THAP6: variants seen among roughly 807,000 people sequenced by gnomAD.
THAP6 encodes THAP domain-containing protein 6.
Under a neutral mutation model 20.0 loss-of-function variants are expected in THAP6, and 13 were observed. The ratio of observed to expected loss-of-function variants is 0.65; its 90% CI spans 0.42 to 1.03. The LOEUF (loss-of-function observed/expected upper bound fraction) is 1.03, where lower values mean the gene tolerates loss of function less well. THAP6 is among the 50% of genes least tolerant of loss of function. The pLI is 0.00. For missense variants in THAP6, 262 were observed against 261.6 expected (o/e 1.00, Z -0.01); for synonymous variants, 93 against 92.2 (o/e 1.01, Z -0.05).
chr4:75,540,007 A>G, intron 2 of THAP6: 1 of 1,522,086 alleles, frequency 6.6e-7, no homozygotes, highest in South Asian at 1.2e-5. Context: ...GTGGCAGCTC[A>G]GAAGCAGGCA....
Position 75,538,441 on chromosome 4 carries a change from G to T in THAP6, c.166-3968G>T, listed in dbSNP as rs1423077962. ...CATTGGAGTGGGCCAGGGAAGCCTG[G>T]CTTGTGCCTGAGAAGATAAATTCTA... On this transcript the variant is annotated intron_variant, in intron 2 of 4. Transcript: ENST00000502620. Among the ~76,000 whole-genome samples the T allele has an allele frequency of 2.6e-5, 4 of 151,816 alleles. 1 individual carries two copies. The South Asian group carries it at 8.3e-4, about 32-fold the overall frequency.
intron 2 of THAP6, among the ~76,000 whole-genome samples, chr4:75,541,447 C>CGTGT (rs138759889): frequency 0.018 from 2,779 of 150,376 alleles, 81 homozygotes; most frequent in African/African-American, 0.064. Flanking sequence ...TAAGTGTGTA[C>CGTGT]GTGTGTGTGT....
Position 75,515,506 on chromosome 4 carries a change from G to T in THAP6, c.54G>T (p.Ser18=). 1 of 1,613,944 alleles carries T rather than the reference G, an allele frequency of 6.2e-7. No individual in the cohort carries two copies. Among genetic ancestry groups the T allele is most frequent in the Non-Finnish European group, 8.5e-7 (1 of 1,179,844 alleles). ...GTGCTTCTCGCTGCTTGCCAAATTC[G>T]AAGTTAAAAGGACTGACATTTCACG... ...IGCASRCLPN[S]KLKGLTFHVF... is the part of the protein sequence containing the mutation. The change falls in exon 2 of 5, where the codon TCG becomes TCT. Residue 18 remains serine, a synonymous_variant. Coordinates refer to ENST00000311638, the MANE Select transcript of THAP6 (RefSeq NM_144721.6).
intron 2 of THAP6, 92 bp from the exon 3 acceptor site, chr4:75,516,680 A>G (rs1232859166): frequency 3.9e-6 from 4 of 1,032,274 alleles, no homozygotes; most frequent in South Asian, 1.7e-5. Context: ...TAGTTAACGA[A>G]TCAATTTAGT....
chr4:75,540,298 C>T lies in THAP6; in HGVS notation c.166-2111C>T, dbSNP rs116082352. ...CAGTCAGAATGTTTTCTGAGCAAGA[C>T]TTCCTTAGTAAATGAAATCATATGT... On this transcript the variant is annotated intron_variant, in intron 2 of 4. Coordinates refer to the THAP6 transcript ENST00000502620. Among the ~76,000 whole-genome samples, 544 of 152,294 alleles carry T rather than the reference C, an allele frequency of 3.6e-3. 3 individuals are homozygous for T. The highest frequency in any genetic ancestry group is 0.012 in the African/African-American group (489 of 41,552).
At chr4:75,540,946 A>C (rs1463430612) in intron 2 of THAP6, among the ~76,000 whole-genome samples, 1 of 152,174 alleles carries the variant, frequency 6.6e-6, no homozygotes, top group Non-Finnish European at 1.5e-5. Flanking sequence ...TGTACAATTC[A>C]AGTTTCTATG....
intron 1 of THAP6, chr4:75,514,911 A>C (rs1204681566): frequency 6.3e-6 from 1 of 158,482 alleles, no homozygotes; most frequent in Non-Finnish European, 1.4e-5. Flanking sequence ...GGAAAAATAG[A>C]CACACTCCAC....
chr4:75,540,088 G>A, intron 2 of THAP6: 3 of 1,082,758 alleles, frequency 2.8e-6, no homozygotes, highest in Non-Finnish European at 2.6e-6. Flanking sequence ...CTCCAATACT[G>A]ACAAGCCATT....
At chr4:75,516,718 A>G in intron 2 of THAP6, 54 bp from the exon 3 acceptor site, 16 of 1,495,816 alleles carry the variant, frequency 1.1e-5, no homozygotes, top group Non-Finnish European at 1.5e-5. Context: ...GCTTTAATTC[A>G]ATTATATAGC....
rs1235225940 is a variant in THAP6, at chr4:75,527,623, A to C, written c.*409A>C. On this transcript the variant is annotated 3_prime_UTR_variant, in exon 5 of 5. Transcript: ENST00000311638. ...GGTAAGTACATTGAATTTTACTTTA[A>C]ATGCATTTTACTACAAAGCACAATT... 3 of 1,004,110 alleles carry C rather than the reference A, an allele frequency of 3.0e-6. No homozygotes were observed. The East Asian group carries it at 2.9e-4, about 99-fold the overall frequency. The allele number at this position is 1,004,110 out of a possible 1,614,324, so 62.2% of individuals were successfully genotyped here.
chr4:75,530,095 T>C (rs1726630259), downstream of THAP6: 1 of 984,534 alleles, frequency 1.0e-6, no homozygotes, highest in Non-Finnish European at 1.2e-6. Context: ...AGTACGTACG[T>C]AGAGGTTTTG....
At chr4:75,547,141 A>C (rs567999984) in intron 3 of THAP6, among the ~76,000 whole-genome samples, 1 of 152,190 alleles carries the variant, frequency 6.6e-6, no homozygotes, top group African/African-American at 2.4e-5. Context: ...ATGCAGGTAC[A>C]GGGGCAGACC....
chr4:75,518,658 T>C (rs536038352), intron 3 of THAP6, among the ~76,000 whole-genome samples: 52 of 152,350 alleles, frequency 3.4e-4, no homozygotes, highest in African/African-American at 1.2e-3. Flanking sequence ...TCCCAGGCAT[T>C]TTGACTTCAG....
intron 2 of THAP6, chr4:75,539,946 G>T (rs572615403): frequency 2.6e-4 from 395 of 1,535,960 alleles, no homozygotes; most frequent in Middle Eastern, 5.0e-4. Flanking sequence ...AAGTGGACAG[G>T]CAACAGTGGT....
downstream of THAP6, chr4:75,530,141 G>A (rs1231185731): frequency 1.7e-5 from 16 of 916,004 alleles, no homozygotes; most frequent in Non-Finnish European, 2.0e-5. Flanking sequence ...TCTAATATGG[G>A]GTCTGCAAGG....
intron 3 of THAP6, among the ~76,000 whole-genome samples, chr4:75,543,295 A>G (rs1363220064): frequency 6.6e-6 from 1 of 152,214 alleles, no homozygotes; most frequent in East Asian, 1.9e-4. Flanking sequence ...ATTTGCTACT[A>G]TAGTATATTA....
rs374426686 is a variant in THAP6, at chr4:75,514,493, A to G, written c.-48A>G. 4.3e-4 allele frequency: 234 copies of G among 539,070 alleles called. No homozygotes were observed. In the South Asian group the frequency reaches 6.0e-3, roughly 14 times the overall value. The allele number at this position is 539,070 out of a possible 1,614,324, so 33.4% of individuals were successfully genotyped here. On this transcript the variant is annotated 5_prime_UTR_variant, in exon 1 of 5. Coordinates refer to ENST00000311638, the MANE Select transcript of THAP6 (RefSeq NM_144721.6). ...AAGGCAGACGCAGTCTCCGTCGTTGACGTTAGTCGCAGTCTTCGCTGCTAA... is the reference window on the plus strand; with the variant it reads ...AAGGCAGACGCAGTCTCCGTCGTTGGCGTTAGTCGCAGTCTTCGCTGCTAA...
intron 4 of THAP6, among the ~76,000 whole-genome samples, chr4:75,525,494 T>C (rs1726308465): frequency 6.6e-6 from 1 of 152,220 alleles, no homozygotes; most frequent in Non-Finnish European, 1.5e-5. Context: ...ATATATTTTA[T>C]GTACTTAACT....
chr4:75,528,923 C>T lies in THAP6; in HGVS notation c.*1709C>T, dbSNP rs1578275099. Reference sequence around the variant, plus strand: ...AAAAAATTAGCCGGGCATGGTGGCACGTGCCTGTAATCCCAGCTACTTGGG... The same window carrying T: ...AAAAAATTAGCCGGGCATGGTGGCATGTGCCTGTAATCCCAGCTACTTGGG... On this transcript the variant is annotated 3_prime_UTR_variant, in exon 5 of 5. Coordinates refer to ENST00000311638, the MANE Select transcript of THAP6 (RefSeq NM_144721.6). 1 of 465,880 alleles carries T rather than the reference C, an allele frequency of 2.1e-6. No individual in the cohort carries two copies. Among genetic ancestry groups the T allele is most frequent in the Non-Finnish European group, 2.8e-6 (1 of 355,446 alleles). 28.9% of individuals were successfully genotyped at this position (465,880 alleles called of 1,614,324 possible). A position where few individuals can be genotyped will look rare whatever the true frequency, so the allele number is the denominator to read the frequency against.
Sources: allele counts gnomAD v4.1 joint callset (sites outside exome capture counted in the v4.1 genomes callset), GRCh38; gene constraint gnomAD v4.1.1; transcripts MANE v1.5; gene names NCBI Gene and HGNC (gene_info 2026-07-23, HGNC 2026-07-21).